Variants in CSMD3 observed in about 807,000 individuals in gnomAD.
The protein encoded by CSMD3 is CUB and Sushi multiple domains 3, also known as CUB and sushi domain-containing protein 3.
CSMD3 carries 177 observed loss-of-function variants against 435.2 expected under a neutral mutation model. The ratio of observed to expected loss-of-function variants is 0.41; its 90% CI spans 0.36 to 0.46. The LOEUF (loss-of-function observed/expected upper bound fraction) is 0.46. Ranked by LOEUF, CSMD3 falls within the 20% of genes least tolerant of loss-of-function variation. The probability of loss-of-function intolerance (pLI) is 0.34; values close to 1 mark genes in which losing one functional copy is unlikely to be tolerated. For synonymous variants in CSMD3, 1,656 were observed against 1,520.5 expected (o/e 1.09, Z -2.07); for missense variants, 4,265 against 4,504.6 (o/e 0.95, Z 1.52).
rs568198575 is a variant in CSMD3, at chr8:112,305,970, A to G, written c.8071+37T>C. ...AATTTCAGGTATATAAAATACCAAG[A>G]GAAAAACAAGTGATGAAATTCCCTT... On this transcript the variant is annotated intron_variant, in intron 51 of 70. Transcript: ENST00000297405. The G allele has an allele frequency of 3.8e-4, 582 of 1,550,342 alleles. 4 individuals are homozygous for G. Among genetic ancestry groups the G allele is most frequent in the Middle Eastern group, 1.9e-3 (11 of 5,938 alleles).
In CSMD3 at chr8:112,716,807, C is replaced by T. The variant is rs2076740332; in HGVS notation, c.1973-26757G>A. ...ACCATCTGATCTTCTACAAACACGA[C>T]AAAAGCAAGCAATGGGTAAAGAATT... On this transcript the variant is annotated intron_variant, in intron 13 of 70. Coordinates refer to ENST00000297405, the MANE Select transcript of CSMD3 (RefSeq NM_198123.2). Among the ~76,000 whole-genome samples, 3 of 152,140 alleles carry T rather than the reference C, an allele frequency of 2.0e-5. No individual in the cohort carries two copies. In the South Asian group the frequency reaches 6.2e-4, roughly 32 times the overall value.
chr8:113,301,074 T>C (rs1385866460), intron 2 of CSMD3, among the ~76,000 whole-genome samples: 1 of 148,418 alleles, frequency 6.7e-6, no homozygotes, highest in Admixed American at 6.6e-5. Flanking sequence ...GTATGATTCA[T>C]ACATGTTCAT....
In CSMD3 at chr8:112,369,855, T is replaced by C. The variant is rs562001038; in HGVS notation, c.6136+10497A>G. Among the ~76,000 whole-genome samples, 6 of 151,672 alleles carry C rather than the reference T, an allele frequency of 4.0e-5. No homozygotes were observed. In the South Asian group the frequency reaches 1.0e-3, roughly 26 times the overall value. ...GTAACAAACCTGCACGTTCTGCACA[T>C]GTATCCCAGAACTTAAAGTAAAAGA... is the stretch of plus-strand genomic sequence containing the variant. On this transcript the variant is annotated intron_variant, in intron 38 of 70. Transcript: ENST00000297405.
chr8:113,317,127 T>C (rs2093916460), intron 1 of CSMD3, among the ~76,000 whole-genome samples: 1 of 152,140 alleles, frequency 6.6e-6, no homozygotes, highest in Admixed American at 6.6e-5. Flanking sequence ...TTTGTGTATA[T>C]TCAGATAATT....
Position 112,785,322 on chromosome 8 carries a change from T to G in CSMD3, c.1972+14840A>C, listed in dbSNP as rs538571010. The stretch of plus-strand genomic sequence containing the variant: ...AGTATAATACTAAATAGGAAAAAAA[T>G]GAAAGCATTTCTTCTAAGATCTGGA... On this transcript the variant is annotated intron_variant, in intron 13 of 70. Transcript: ENST00000297405. Among the ~76,000 whole-genome samples, 16 of 151,552 alleles carry G rather than the reference T, an allele frequency of 1.1e-4. No individual in the cohort carries two copies. The East Asian group carries it at 1.6e-3, about 15-fold the overall frequency.
Position 112,341,579 on chromosome 8 carries a change from G to A in CSMD3, c.6550C>T (p.Pro2184Ser), listed in dbSNP as rs752979494. Residue 2184 changes from proline (P) to serine (S), a missense_variant, in exon 42 of 71, where the codon CCT becomes TCT. This residue lies in a region of CSMD3 where 3,255 missense variants were observed against 3,380.2 expected (regional missense o/e 0.96). Coordinates refer to ENST00000297405, the MANE Select transcript of CSMD3 (RefSeq NM_198123.2). ...CTGAATAAGGAAGATGGTATTTGAG[G>A]ACCACTAAGCCGGCCAATAACAGTA... is the stretch of plus-strand genomic sequence containing the variant. ...TSTVIGRLSG[P>S]QIPSSLFSTT... 1.1e-5 allele frequency: 18 copies of A among 1,612,224 alleles called. 1 individual carries two copies. In the Admixed American group the frequency reaches 3.0e-4, roughly 27 times the overall value.
chr8:112,469,411 C>A (rs1474069978), intron 32 of CSMD3, among the ~76,000 whole-genome samples: 1 of 151,972 alleles, frequency 6.6e-6, no homozygotes, highest in African/African-American at 2.4e-5. Context: ...GATGTTAGAG[C>A]CTTAACCCCT....
intron 5 of CSMD3, among the ~76,000 whole-genome samples, chr8:113,067,506 A>T (rs575335354): frequency 6.6e-6 from 1 of 152,248 alleles, no homozygotes; most frequent in Admixed American, 6.5e-5. Context: ...TTGAAATATT[A>T]GGTTGGTGCA....
rs75910126 is a variant in CSMD3 at position 112,994,622 on chromosome 8, T to C, written c.1031-18474A>G. Among the ~76,000 whole-genome samples, 5 of 151,728 alleles carry C rather than the reference T, an allele frequency of 3.3e-5. No homozygotes were observed. The East Asian group carries it at 9.7e-4, about 29-fold the overall frequency. ...AGATATAATTACTTCTATGTTACACTGATAAAATTGAGATTCCAAGGGCTA... is the reference window on the plus strand; with the variant it reads ...AGATATAATTACTTCTATGTTACACCGATAAAATTGAGATTCCAAGGGCTA... On this transcript the variant is annotated intron_variant, in intron 6 of 70. Coordinates refer to ENST00000297405, the MANE Select transcript of CSMD3 (RefSeq NM_198123.2).
chr8:112,645,055 G>C, intron 20 of CSMD3, 54 bp downstream of exon 20: 1 of 906,098 alleles, frequency 1.1e-6, no homozygotes, highest in Non-Finnish European at 1.9e-6. Context: ...AATAAGAATA[G>C]ACTCAATGAA....
chr8:113,390,520 T>G, intron 1 of CSMD3, among the ~76,000 whole-genome samples: 1 of 152,010 alleles, frequency 6.6e-6, no homozygotes, highest in Non-Finnish European at 1.5e-5. Context: ...ATTAATTAAT[T>G]AGTTTATTCT....
At chr8:112,665,960 A>G (rs1344183988) in intron 17 of CSMD3, among the ~76,000 whole-genome samples, 1 of 152,122 alleles carries the variant, frequency 6.6e-6, no homozygotes, top group Non-Finnish European at 1.5e-5. Context: ...CTAGCAGAGC[A>G]GAATTCACAG....
intron 1 of CSMD3, among the ~76,000 whole-genome samples, chr8:113,411,675 T>C (rs1324822831): frequency 6.6e-6 from 1 of 152,164 alleles, no homozygotes; most frequent in Non-Finnish European, 1.5e-5. Context: ...ACAGAATTTA[T>C]AGCACTCTAA....
intron 32 of CSMD3, among the ~76,000 whole-genome samples, chr8:112,447,618 G>A (rs965211744): frequency 2.0e-5 from 3 of 152,146 alleles, no homozygotes; most frequent in Admixed American, 6.5e-5. Flanking sequence ...TGTGGACCTA[G>A]CTATCTGGAA....
chr8:113,070,665 A>G (rs895445221), intron 5 of CSMD3, among the ~76,000 whole-genome samples: 2 of 152,022 alleles, frequency 1.3e-5, no homozygotes, highest in Non-Finnish European at 2.9e-5. Context: ...TATGAGTTCA[A>G]CTAGTTTAGA....
chr8:112,643,751 C>G (rs2074901452), intron 20 of CSMD3, among the ~76,000 whole-genome samples: 1 of 152,014 alleles, frequency 6.6e-6, no homozygotes, highest in Non-Finnish European at 1.5e-5. Context: ...CTACCTCATT[C>G]CTGCTATTCA....
chr8:112,742,117 C>T (rs1488535471), intron 13 of CSMD3, among the ~76,000 whole-genome samples: 1 of 151,456 alleles, frequency 6.6e-6, no homozygotes, highest in African/African-American at 2.4e-5. Flanking sequence ...CCACCTCCAC[C>T]CCCTCCGCAC....
intron 17 of CSMD3, among the ~76,000 whole-genome samples, chr8:112,657,103 A>C (rs1371687032): frequency 6.7e-6 from 1 of 149,488 alleles, no homozygotes; most frequent in Non-Finnish European, 1.5e-5. Flanking sequence ...AATTCCATCA[A>C]CCAGGCTAGA....
At chr8:112,714,131 T>C (rs1455548597) in intron 13 of CSMD3, among the ~76,000 whole-genome samples, 2 of 152,002 alleles carry the variant, frequency 1.3e-5, no homozygotes, top group Non-Finnish European at 2.9e-5. Flanking sequence ...GACTGGCAGA[T>C]TGGATGAAGA....
Sources: gnomAD v4.1 joint callset for allele counts (sites outside exome capture counted in the v4.1 genomes callset) on GRCh38, gnomAD v4.1.1 for gene constraint, gnomAD v4.1.1 regional missense constraint, MANE v1.5 for transcripts, NCBI Gene and HGNC (gene_info 2026-07-23, HGNC 2026-07-21) for gene names.